The following PRKCI variants were observed in gnomAD, a reference collection of about 807,000 sequenced individuals.
PRKCI encodes protein kinase C iota type.
In PRKCI, 43 loss-of-function variants were observed where a neutral mutation model predicts 84.0. That is an observed-to-expected ratio of 0.51 (90% CI 0.40 to 0.66). The LOEUF (loss-of-function observed/expected upper bound fraction) is 0.66. PRKCI is among the 30% of genes least tolerant of loss of function. The probability of loss-of-function intolerance (pLI) is 0.00; values close to 1 mark genes in which losing one functional copy is unlikely to be tolerated. For synonymous variants in PRKCI, 216 were observed against 234.4 expected, an observed-to-expected ratio of 0.92 and a Z score of 0.72; for missense variants, 459 against 745.6, an observed-to-expected ratio of 0.62 and a Z score of 4.48.
At chr3:170,248,297 A>G (rs1178615093) in intron 2 of PRKCI, among the ~76,000 whole-genome samples, 1 of 152,312 alleles carries the variant, frequency 6.6e-6, no homozygotes, top group Non-Finnish European at 1.5e-5. Flanking sequence ...TTGAGGTCTA[A>G]TGCCCTAATT....
chr3:170,263,481 C>T (rs1733784216), intron 4 of PRKCI, 52 bp downstream of exon 4: 1 of 1,446,164 alleles, frequency 6.9e-7, no homozygotes, highest in Non-Finnish European at 9.6e-7. Context: ...TGCTATGGTA[C>T]AAGTGAAAAA....
Position 170,241,275 on chromosome 3 carries a change from T to G in PRKCI, c.223+5924T>G, listed in dbSNP as rs139692033. On this transcript the variant is annotated intron_variant, in intron 2 of 17. Transcript: ENST00000295797. ...TGTAGTCACCATGCTATGCAATAGA[T>G]CACCAGAACTTACTACTCCTGTCTA... Among the ~76,000 whole-genome samples, 185 of 152,308 alleles carry G rather than the reference T, an allele frequency of 1.2e-3. 1 individual carries two copies. Among genetic ancestry groups the G allele is most frequent in the Non-Finnish European group, 2.1e-3 (143 of 68,022 alleles).
intron 12 of PRKCI, among the ~76,000 whole-genome samples, chr3:170,288,642 G>A (rs1243322954): frequency 6.6e-6 from 1 of 152,156 alleles, no homozygotes; most frequent in Non-Finnish European, 1.5e-5. Context: ...CCAGCTACTT[G>A]GGAGGCTGAG....
rs1366285245 is a variant in PRKCI at position 170,222,627 on chromosome 3, C to T, written c.-43C>T. On this transcript the variant is annotated 5_prime_UTR_variant, in exon 1 of 18. Transcript: ENST00000295797. ...TCCCCCACGGCGCCCGAAGCGCCCC[C>T]CCGCACCCCCGGCCTCCAGCGTTGA... 1 of 1,500,208 alleles carries T rather than the reference C, an allele frequency of 6.7e-7. No individual in the cohort carries two copies. Among genetic ancestry groups the T allele is most frequent in the East Asian group, 2.7e-5 (1 of 36,514 alleles). 92.9% of individuals were successfully genotyped at this position (1,500,208 alleles called of 1,614,324 possible). A position where few individuals can be genotyped will look rare whatever the true frequency, so the allele number is the denominator to read the frequency against.
intron 8 of PRKCI, among the ~76,000 whole-genome samples, chr3:170,276,388 A>G (rs374680003): frequency 3.3e-4 from 50 of 151,938 alleles, no homozygotes; most frequent in African/African-American, 1.1e-3. Flanking sequence ...CCTGTTAGTC[A>G]CCTATTTGAT....
At chr3:170,288,487 GC>G (rs950202678) in intron 12 of PRKCI, among the ~76,000 whole-genome samples, 8 of 151,846 alleles carry the variant, frequency 5.3e-5, no homozygotes, top group African/African-American at 1.9e-4. Context: ...AGTGGCTCAC[GC>G]CTATAATTCC....
At chr3:170,233,590 A>G (rs905669449) in intron 1 of PRKCI, among the ~76,000 whole-genome samples, 2 of 152,216 alleles carry the variant, frequency 1.3e-5, no homozygotes, top group Non-Finnish European at 2.9e-5. Flanking sequence ...TGTTATGAAC[A>G]TAGTGGTTTC....
At chr3:170,288,302 C>T (rs1734451246) in intron 12 of PRKCI, among the ~76,000 whole-genome samples, 1 of 151,844 alleles carries the variant, frequency 6.6e-6, no homozygotes, top group Non-Finnish European at 1.5e-5. Flanking sequence ...GTTACTCTTA[C>T]TGGAAAATAA....
chr3:170,248,760 G>A (rs1733358931), intron 2 of PRKCI, among the ~76,000 whole-genome samples: 1 of 152,072 alleles, frequency 6.6e-6, no homozygotes, highest in African/African-American at 2.4e-5. Context: ...TCTGGCTTAG[G>A]TTTTAACTAA....
intron 1 of PRKCI, among the ~76,000 whole-genome samples, chr3:170,227,572 A>G (rs1362289930): frequency 6.6e-6 from 1 of 152,204 alleles, no homozygotes; most frequent in Non-Finnish European, 1.5e-5. Context: ...GGTGGGTGTT[A>G]TAGGCATTAA....
intron 4 of PRKCI, among the ~76,000 whole-genome samples, chr3:170,265,889 G>C (rs1242280497): frequency 6.6e-6 from 1 of 151,970 alleles, no homozygotes; most frequent in African/African-American, 2.4e-5. Flanking sequence ...CCAAAGTGCT[G>C]GGATTACGGG....
chr3:170,294,399 A>G (rs952142888), intron 14 of PRKCI, among the ~76,000 whole-genome samples: 2 of 152,204 alleles, frequency 1.3e-5, no homozygotes, highest in Admixed American at 1.3e-4. Context: ...TTCATGCCCA[A>G]ATGGCCATGG....
At position 170,286,485 on chromosome 3, in the gene PRKCI, C is replaced by CTTTTTTTT. The variant is rs34674664; in HGVS notation, c.1203+1904_1203+1911dup. 3.2e-4 allele frequency among the ~76,000 whole-genome samples: 21 copies of CTTTTTTTT among 65,588 alleles called. 1 individual carries two copies. Among genetic ancestry groups the CTTTTTTTT allele is most frequent in the Admixed American group, 8.9e-4 (4 of 4,472 alleles). The allele number at this position is 65,588 out of a possible 152,430, so 43.0% of individuals were successfully genotyped here. A position where few individuals can be genotyped will look rare whatever the true frequency, so the allele number is the denominator to read the frequency against. ...AAGTGCACAAATTAAAACAATGAGGCTTTTTTTTTTTTTTTTTTTTTTGCC... is the reference window on the plus strand; with the variant it reads ...AAGTGCACAAATTAAAACAATGAGGCTTTTTTTTTTTTTTTTTTTTTTTTTTTTTTGCC... On this transcript the variant is annotated intron_variant, in intron 12 of 17. Coordinates refer to ENST00000295797, the MANE Select transcript of PRKCI (RefSeq NM_002740.6).
At chr3:170,286,649 A>C (rs1341734396) in intron 12 of PRKCI, among the ~76,000 whole-genome samples, 1 of 152,004 alleles carries the variant, frequency 6.6e-6, no homozygotes, top group Non-Finnish European at 1.5e-5. Flanking sequence ...AGGAATCCTA[A>C]AGATGGCCAT....
Position 170,222,737 on chromosome 3 carries a change from C to A in PRKCI, c.68C>A (p.Ser23Tyr). Residue 23 changes from serine to tyrosine, a missense_variant, in exon 1 of 18, where the codon TCC becomes TAC. Ser to Tyr is a moderately radical substitution (Grantham distance 144, BLOSUM62 -2). Around this residue, in one of 2 missense-constraint regions of PRKCI, gnomAD observed 250 missense variants for 319.7 expected, o/e 0.78. Coordinates refer to ENST00000295797, the MANE Select transcript of PRKCI (RefSeq NM_002740.6). ...TVAGGGSGDH[S>Y]HQVRVKAYYR... Reference sequence around the variant, plus strand: ...GCAGGCGGCGGCAGCGGGGACCATTCCCACCAGGTCCGGGTGAAAGCCTAC... The same window carrying A: ...GCAGGCGGCGGCAGCGGGGACCATTACCACCAGGTCCGGGTGAAAGCCTAC... 6.2e-7 allele frequency: 1 copy of A among 1,611,098 alleles called. No homozygotes were observed. The highest frequency in any genetic ancestry group is 2.2e-5 in the East Asian group (1 of 44,768).
intron 1 of PRKCI, among the ~76,000 whole-genome samples, chr3:170,233,455 C>G (rs79888267): frequency 0.02 from 3,104 of 152,032 alleles, 53 homozygotes; most frequent in East Asian, 0.085. Context: ...TATGCTAGTG[C>G]TGAAGTTAAA....
chr3:170,259,843 C>A, intron 2 of PRKCI, 126 bp from the exon 3 acceptor site: 1 of 461,824 alleles, frequency 2.2e-6, no homozygotes, highest in East Asian at 3.6e-5. Flanking sequence ...AATATTTGTC[C>A]TTGTCATATA....
rs751382651 is a variant in PRKCI at position 170,260,215 on chromosome 3, T to C, written c.313+157T>C. Among the ~76,000 whole-genome samples the C allele has an allele frequency of 7.9e-5, 12 of 152,220 alleles. No individual in the cohort carries two copies. The East Asian group carries it at 2.1e-3, about 27-fold the overall frequency. The stretch of plus-strand genomic sequence containing the variant: ...CGTTATTTAGTAGTTTCTCACGTGC[T>C]ACAGAAGGTAAAATTAATCTGCTGC... On this transcript the variant is annotated intron_variant, in intron 3 of 17. Coordinates refer to ENST00000295797, the MANE Select transcript of PRKCI (RefSeq NM_002740.6).
chr3:170,271,383 GAGA>G (rs1173197779), intron 6 of PRKCI, among the ~76,000 whole-genome samples: 2 of 152,092 alleles, frequency 1.3e-5, no homozygotes, highest in Non-Finnish European at 2.9e-5. Context: ...ACCTCTAAAA[GAGA>G]AGGACTTTTT....
Sources: allele counts gnomAD v4.1 joint callset (sites outside exome capture counted in the v4.1 genomes callset), GRCh38; gene constraint gnomAD v4.1.1; regional missense constraint gnomAD v4.1.1; transcripts MANE v1.5; gene names NCBI Gene and HGNC (gene_info 2026-07-23, HGNC 2026-07-21).